SCNN1A: variants seen among roughly 807,000 people sequenced by gnomAD.
The protein encoded by SCNN1A is epithelial sodium channel subunit alpha.
SCNN1A carries 65 observed loss-of-function variants against 68.6 expected under a neutral mutation model. The ratio of observed to expected loss-of-function variants is 0.95; its 90% confidence interval spans 0.78 to 1.16. SCNN1A has a LOEUF of 1.16. SCNN1A is among the 50% of genes most tolerant of loss of function. The pLI is 0.00. For synonymous variants in SCNN1A, 357 were observed against 353.3 expected, an observed-to-expected ratio of 1.01 and a Z score of -0.12; for missense variants, 880 against 865.9, an observed-to-expected ratio of 1.02 and a Z score of -0.20.
chr12:6,373,693 G>T (rs542820805), intron 2 of SCNN1A, among the ~76,000 whole-genome samples: 1 of 152,176 alleles, frequency 6.6e-6, no homozygotes, highest in Non-Finnish European at 1.5e-5. Flanking sequence ...GCACGTAAAG[G>T]TCAGGCACCT....
Position 6,347,641 on chromosome 12 carries a change from A to G in SCNN1A, c.*232T>C. On this transcript the variant is annotated 3_prime_UTR_variant, in exon 13 of 13. Transcript: ENST00000228916. ...TGGGTGGGGAAACCAGAGTGTTCAG[A>G]GGCAGTACCAAGGGGTACAGGGCTG... The G allele has an allele frequency of 1.7e-6, 1 of 584,354 alleles. No homozygotes were observed. The highest frequency in any genetic ancestry group is 3.1e-6 in the Non-Finnish European group (1 of 326,568). The allele number at this position is 584,354 out of a possible 1,614,324, so 36.2% of individuals were successfully genotyped here. A position where few individuals can be genotyped will look rare whatever the true frequency, so the allele number is the denominator to read the frequency against.
intron 2 of SCNN1A, among the ~76,000 whole-genome samples, chr12:6,369,443 A>G (rs1948746372): frequency 6.6e-6 from 1 of 151,722 alleles, no homozygotes; most frequent in Non-Finnish European, 1.5e-5. Context: ...TCCCACACAC[A>G]CAAACCTGTG....
At chr12:6,370,856 C>G (rs1331435945) in intron 2 of SCNN1A, among the ~76,000 whole-genome samples, 1 of 152,184 alleles carries the variant, frequency 6.6e-6, no homozygotes, top group African/African-American at 2.4e-5. Flanking sequence ...CTTCATTGTT[C>G]AAGAACCCCA....
upstream of SCNN1A, chr12:6,375,850 AG>A: frequency 7.6e-7 from 1 of 1,320,752 alleles, no homozygotes; most frequent in Non-Finnish European, 9.6e-7. Flanking sequence ...CCAGGCTGAG[AG>A]GGCCTGGGTG....
intron 8 of SCNN1A, among the ~76,000 whole-genome samples, chr12:6,352,710 T>C (rs572228547): frequency 1.3e-5 from 2 of 152,300 alleles, no homozygotes; most frequent in African/African-American, 2.4e-5. Flanking sequence ...CCAGTTCTGA[T>C]GTGCTACAAT....
At chr12:6,377,308 G>A (rs963483853), upstream of SCNN1A, 7 of 1,526,322 alleles carry the variant, frequency 4.6e-6, no homozygotes, top group Non-Finnish European at 5.3e-6. Context: ...TTTCTTCATT[G>A]TCCTAATGAA....
At chr12:6,362,625 T>G (rs531637280) in intron 3 of SCNN1A, among the ~76,000 whole-genome samples, 66 of 152,170 alleles carry the variant, frequency 4.3e-4, no homozygotes, top group Middle Eastern at 6.8e-3. Context: ...CCACTCTTAC[T>G]AATGGGAACT....
intron 3 of SCNN1A, 23 bp downstream of exon 3, chr12:6,363,420 C>CCTCA: frequency 6.6e-7 from 1 of 1,510,350 alleles, no homozygotes; most frequent in African/African-American, 1.4e-5. Flanking sequence ...GCGGGGCGGG[C>CCTCA]CCCTCGGCGC....
chr12:6,363,331 C>T, intron 3 of SCNN1A, 112 bp downstream of exon 3: 2 of 843,356 alleles, frequency 2.4e-6, no homozygotes, highest in Non-Finnish European at 3.4e-6. Context: ...CGAGGCCCCG[C>T]GTGGTGTCAC....
intron 2 of SCNN1A, among the ~76,000 whole-genome samples, chr12:6,368,250 C>CTGCT (rs1157786967): frequency 2.6e-5 from 4 of 152,178 alleles, no homozygotes; most frequent in African/African-American, 7.2e-5. Flanking sequence ...ACTCTGGGGG[C>CTGCT]TGCTGCATGA....
chr12:6,364,080 C>T (rs984345283), intron 2 of SCNN1A: 2 of 177,892 alleles, frequency 1.1e-5, no homozygotes, highest in Non-Finnish European at 1.2e-5. Context: ...GGCGTGACCG[C>T]GGTACCCAGG....
Position 6,375,524 on chromosome 12 carries a change from G to A in SCNN1A, c.-74C>T, listed in dbSNP as rs978424255. ...CCTCACCTGACAGGTGCAGCGGCCT[G>A]GCTGGGGAGCCCGCCCGCTGGCCGG... On this transcript the variant is annotated 5_prime_UTR_variant, in exon 1 of 13. Coordinates refer to ENST00000228916, the MANE Select transcript of SCNN1A (RefSeq NM_001038.6). 24 of 1,535,272 alleles carry A rather than the reference G, an allele frequency of 1.6e-5. No homozygotes were observed. Among genetic ancestry groups the A allele is most frequent in the African/African-American group, 4.1e-5 (3 of 73,000 alleles).
chr12:6,369,785 G>A (rs1396522044), intron 2 of SCNN1A, among the ~76,000 whole-genome samples: 3 of 138,518 alleles, frequency 2.2e-5, no homozygotes, highest in Non-Finnish European at 3.0e-5. Context: ...AGTGAGCCAA[G>A]ATCCCACCAC....
chr12:6,373,455 G>C (rs72645120), intron 2 of SCNN1A, among the ~76,000 whole-genome samples: 16 of 152,152 alleles, frequency 1.1e-4, no homozygotes, highest in African/African-American at 3.9e-4. Flanking sequence ...CTTCAATAAA[G>C]GGCTTATGAA....
chr12:6,367,833 C>T (rs569063121), intron 2 of SCNN1A, among the ~76,000 whole-genome samples: 277 of 152,298 alleles, frequency 1.8e-3, no homozygotes, highest in African/African-American at 6.3e-3. Context: ...AAAGAGCCCC[C>T]ACGTGGTCCT....
In SCNN1A at chr12:6,349,218, C is replaced by T. The variant is rs751095051; in HGVS notation, c.1443G>A (p.Val481=). The change falls in exon 10 of 13, where the codon GTG becomes GTA. Residue 481 remains valine, a synonymous_variant. Coordinates refer to ENST00000228916, the MANE Select transcript of SCNN1A (RefSeq NM_001038.6). The part of the protein sequence containing the change: ...CFTKCRKPCS[V]TSYQLSAGYS... ...AACCAGCAGAGAGCTGGTAGCTGGT[C>T]ACGCTGGGGATGGAGAAAGGTGCTC... is the stretch of plus-strand genomic sequence containing the variant. The T allele has an allele frequency of 4.9e-5, 79 of 1,614,000 alleles. No individual in the cohort carries two copies. The highest frequency in any genetic ancestry group is 6.5e-5 in the Non-Finnish European group (77 of 1,180,022).
In SCNN1A at chr12:6,355,379, C is replaced by T. The variant is rs768438286; in HGVS notation, c.1036G>A (p.Val346Met). ...TGCACCATTACCCGGGCCCCAGTCA[C>T]TGTGGACAGCAGGGGAATGAAGTCA... ...QNDFIPLLSTVTGARVMVHGQ... is the reference protein window; with the variant it reads ...QNDFIPLLSTMTGARVMVHGQ... Residue 346 changes from valine to methionine, a missense_variant, in exon 6 of 13, where the codon GTG becomes ATG. Physicochemically the swap from Val to Met is conservative, Grantham distance 21. Coordinates refer to ENST00000228916, the MANE Select transcript of SCNN1A (RefSeq NM_001038.6). The T allele has an allele frequency of 1.2e-6, 2 of 1,614,042 alleles. No individual in the cohort carries two copies. Among genetic ancestry groups the T allele is most frequent in the South Asian group, 1.1e-5 (1 of 91,034 alleles).
At chr12:6,365,015 C>G (rs1042263830) in intron 2 of SCNN1A, among the ~76,000 whole-genome samples, 8 of 146,792 alleles carry the variant, frequency 5.4e-5, no homozygotes, top group Admixed American at 4.1e-4. Context: ...CAATCCCTAT[C>G]AAAATTCCAG....
intron 3 of SCNN1A, 29 bp downstream of exon 3, chr12:6,363,414 G>A (rs774523143): frequency 2.0e-6 from 3 of 1,503,074 alleles, no homozygotes; most frequent in African/African-American, 1.4e-5. Flanking sequence ...CGAGGGGCGG[G>A]GCGGGCCCCT....
Sources: allele counts gnomAD v4.1 joint callset (sites outside exome capture counted in the v4.1 genomes callset), GRCh38; gene constraint gnomAD v4.1.1; transcripts MANE v1.5; gene names NCBI Gene and HGNC (gene_info 2026-07-23, HGNC 2026-07-21).